The following CELSR1 variants were observed in gnomAD, a reference collection of about 807,000 sequenced individuals.
CELSR1 encodes adhesion G protein-coupled receptor C1.
CELSR1 carries 110 observed loss-of-function variants against 249.1 expected under a neutral mutation model. The ratio of observed to expected loss-of-function variants is 0.44; its 90% CI spans 0.38 to 0.52. The LOEUF is 0.52. Ranked by LOEUF, CELSR1 falls within the 20% of genes least tolerant of loss-of-function variation. The pLI is 0.00. For missense variants in CELSR1, 4,109 were observed against 4,296.4 expected (o/e 0.96, Z 1.22); for synonymous variants, 2,113 against 1,900.0 (o/e 1.11, Z -2.92).
chr22:46,489,384 T>A (rs1039310636), intron 1 of CELSR1, among the ~76,000 whole-genome samples: 2 of 151,092 alleles, frequency 1.3e-5, no homozygotes, highest in Admixed American at 1.3e-4. Flanking sequence ...GAAATTGCAA[T>A]CCGTCACCAC....
At chr22:46,511,464 T>A (rs1368405122) in intron 1 of CELSR1, among the ~76,000 whole-genome samples, 1 of 152,210 alleles carries the variant, frequency 6.6e-6, no homozygotes, top group Non-Finnish European at 1.5e-5. Flanking sequence ...TGGAGCAGAC[T>A]TTCCTTCTGC....
intron 1 of CELSR1, among the ~76,000 whole-genome samples, chr22:46,522,942 C>T (rs2080700694): frequency 2.0e-5 from 3 of 152,236 alleles, no homozygotes; most frequent in African/African-American, 7.2e-5. Flanking sequence ...CCCAGCATCA[C>T]AACACATCAA....
chr22:46,485,770 C>T (rs867643574), intron 1 of CELSR1, among the ~76,000 whole-genome samples: 6 of 152,272 alleles, frequency 3.9e-5, no homozygotes, highest in African/African-American at 1.2e-4. Flanking sequence ...AATGGGCGCA[C>T]TGGAGCCATC....
intron 5 of CELSR1, among the ~76,000 whole-genome samples, chr22:46,422,320 C>A (rs1027040488): frequency 2.0e-5 from 3 of 152,108 alleles, no homozygotes; most frequent in Non-Finnish European, 4.4e-5. Context: ...GTTGGCCAGG[C>A]TGGTTTTGAA....
chr22:46,385,508 G>C (rs577700846), intron 19 of CELSR1, among the ~76,000 whole-genome samples: 1 of 152,046 alleles, frequency 6.6e-6, no homozygotes, highest in Non-Finnish European at 1.5e-5. Context: ...CACCCTTCTA[G>C]AGTCTCACAC....
At position 46,409,710 on chromosome 22, in the gene CELSR1, C is replaced by T; in HGVS notation, c.5059+45G>A. The T allele has an allele frequency of 6.2e-7, 1 of 1,606,708 alleles. No homozygotes were observed. Among genetic ancestry groups the T allele is most frequent in the East Asian group, 2.2e-5 (1 of 44,856 alleles). ...CCGGGCACATCAAGGAGCAATGCCT[C>T]CCAGGCCGCCGTGACCGGGGGGATG... is the stretch of plus-strand genomic sequence containing the variant. On this transcript the variant is annotated intron_variant, in intron 8 of 34. Coordinates refer to ENST00000674500, the MANE Select transcript of CELSR1 (RefSeq NM_001378328.1). This position sits in a 1 kb window ranked among gnomAD's most constrained non-coding sequence, Gnocchi z 9.8.
rs58948429 is a variant in CELSR1 at position 46,363,059 on chromosome 22, G to A, written c.*164C>T. 1,627 of 1,443,442 alleles carry A rather than the reference G, an allele frequency of 1.1e-3. 16 individuals are homozygous for A. The African/African-American group carries it at 0.018, about 16-fold the overall frequency. The allele number at this position is 1,443,442 out of a possible 1,614,324, so 89.4% of individuals were successfully genotyped here. On this transcript the variant is annotated 3_prime_UTR_variant, in exon 35 of 35. Transcript: ENST00000674500. This position sits in a 1 kb window ranked among gnomAD's most constrained non-coding sequence, Gnocchi z 4.3. Reference sequence around the variant, plus strand: ...ACCTTTGTGTCTGGATGATCAGTCGGGGGGCTGCCACCATGGGGACCGCCA... The same window carrying A: ...ACCTTTGTGTCTGGATGATCAGTCGAGGGGCTGCCACCATGGGGACCGCCA...
Position 46,367,912 on chromosome 22 carries a change from C to G in CELSR1, c.7953-57G>C, listed in dbSNP as rs548771318. On this transcript the variant is annotated intron_variant, in intron 27 of 34. Coordinates refer to ENST00000674500, the MANE Select transcript of CELSR1 (RefSeq NM_001378328.1). ...TCGCCACCACCTGCTCCCTTCCTCC[C>G]TCCCTCTCTGCACGTCCACCTGTCC... 708 of 1,549,178 alleles carry G rather than the reference C, an allele frequency of 4.6e-4. 2 individuals are homozygous for G. In the African/African-American group the frequency reaches 8.4e-3, roughly 18 times the overall value.
chr22:46,465,901 C>T (rs944559412), intron 1 of CELSR1, among the ~76,000 whole-genome samples: 3 of 152,264 alleles, frequency 2.0e-5, no homozygotes, highest in Non-Finnish European at 4.4e-5. Context: ...CCAGTAACGA[C>T]ACTCGGGTCA....
chr22:46,396,861 G>C lies in CELSR1; in HGVS notation c.5702-115C>G. Reference sequence around the variant, plus strand: ...ATCTGACTTTCCCTGGTACTCAGCAGAGGGAAGAGGAAGAGTGCCACAGAG... The same window carrying C: ...ATCTGACTTTCCCTGGTACTCAGCACAGGGAAGAGGAAGAGTGCCACAGAG... On this transcript the variant is annotated intron_variant, in intron 12 of 34. Coordinates refer to ENST00000674500, the MANE Select transcript of CELSR1 (RefSeq NM_001378328.1). The surrounding 1 kb of genome is among the most constrained non-coding windows in gnomAD (Gnocchi z 6.4). 1 of 1,373,578 alleles carries C rather than the reference G, an allele frequency of 7.3e-7. No individual in the cohort carries two copies. The highest frequency in any genetic ancestry group is 1.0e-6 in the Non-Finnish European group (1 of 1,001,254). The allele number at this position is 1,373,578 out of a possible 1,614,324, so 85.1% of individuals were successfully genotyped here.
chr22:46,500,598 C>T lies in CELSR1; in HGVS notation c.3544+33029G>A, dbSNP rs564087546. On this transcript the variant is annotated intron_variant, in intron 1 of 34. Coordinates refer to ENST00000674500, the MANE Select transcript of CELSR1 (RefSeq NM_001378328.1). This position sits in a 1 kb window ranked among gnomAD's most constrained non-coding sequence, Gnocchi z 4.9. Reference sequence around the variant, plus strand: ...AACTTGTCACAGAAGAACAGAGGCCCGAGCTAGCCCACACCTGTGTTTTTT... The same window carrying T: ...AACTTGTCACAGAAGAACAGAGGCCTGAGCTAGCCCACACCTGTGTTTTTT... Among the ~76,000 whole-genome samples, 29 of 152,262 alleles carry T rather than the reference C, an allele frequency of 1.9e-4. No homozygotes were observed. The highest frequency in any genetic ancestry group is 4.1e-4 in the Non-Finnish European group (28 of 68,022).
chr22:46,433,908 C>T lies in CELSR1; in HGVS notation c.4523-427G>A, dbSNP rs2079626891. On this transcript the variant is annotated intron_variant, in intron 4 of 34. Transcript: ENST00000674500. The surrounding 1 kb of genome is among the most constrained non-coding windows in gnomAD (Gnocchi z 5.7). ...CCATGTTGGCTAGTCTAGTCTCGAA[C>T]TCCTGACCTCGTGATCTGCCTGCCT... 6.6e-6 allele frequency among the ~76,000 whole-genome samples: 1 copy of T among 152,182 alleles called. No individual in the cohort carries two copies. Among genetic ancestry groups the T allele is most frequent in the African/African-American group, 2.4e-5 (1 of 41,446 alleles).
At position 46,380,404 on chromosome 22, in the gene CELSR1, G is replaced by T. The variant is rs188040706; in HGVS notation, c.7256+384C>A. Among the ~76,000 whole-genome samples the T allele has an allele frequency of 1.3e-5, 2 of 152,356 alleles. No individual in the cohort carries two copies. Among genetic ancestry groups the T allele is most frequent in the Non-Finnish European group, 2.9e-5 (2 of 68,034 alleles). ...GCTCTTAGGCCAGTCTCTGGGTTCT[G>T]TCTCCCGTGTGTGACCGGAATGGGC... On this transcript the variant is annotated intron_variant, in intron 22 of 34. Coordinates refer to ENST00000674500, the MANE Select transcript of CELSR1 (RefSeq NM_001378328.1). This position sits in a 1 kb window ranked among gnomAD's most constrained non-coding sequence, Gnocchi z 5.1.
At chr22:46,394,859 C>G (rs539612903) in intron 13 of CELSR1, among the ~76,000 whole-genome samples, 1 of 152,358 alleles carries the variant, frequency 6.6e-6, no homozygotes, top group Admixed American at 6.5e-5. Context: ...GCAACAGACA[C>G]TGAAGATGAG....
Position 46,430,520 on chromosome 22 carries a change from C to A in CELSR1, c.4611+2873G>T, listed in dbSNP as rs1425728302. Among the ~76,000 whole-genome samples, 2 of 152,118 alleles carry A rather than the reference C, an allele frequency of 1.3e-5. No individual in the cohort carries two copies. Among genetic ancestry groups the A allele is most frequent in the African/African-American group, 2.4e-5 (1 of 41,404 alleles). On this transcript the variant is annotated intron_variant, in intron 5 of 34. Coordinates refer to ENST00000674500, the MANE Select transcript of CELSR1 (RefSeq NM_001378328.1). The surrounding 1 kb of genome is among the most constrained non-coding windows in gnomAD (Gnocchi z 4.6). Reference sequence around the variant, plus strand: ...CTGAGCCCCTCTCAACTGGTCATGGCCCTGGACACCCCTCATCGTCCAGCC... The same window carrying A: ...CTGAGCCCCTCTCAACTGGTCATGGACCTGGACACCCCTCATCGTCCAGCC...
At chr22:46,492,751 G>A (rs1317810330) in intron 1 of CELSR1, among the ~76,000 whole-genome samples, 1 of 151,996 alleles carries the variant, frequency 6.6e-6, no homozygotes, top group African/African-American at 2.4e-5. Context: ...GATCCACCGT[G>A]CTCGGCCGAA....
chr22:46,520,730 A>G (rs2080677194), intron 1 of CELSR1, among the ~76,000 whole-genome samples: 1 of 152,144 alleles, frequency 6.6e-6, no homozygotes, highest in Admixed American at 6.6e-5. Context: ...CCAAAGTGCT[A>G]GGATTACAGG....
chr22:46,384,666 C>T lies in CELSR1; in HGVS notation c.6760G>A (p.Asp2254Asn). The change falls in exon 20 of 35, where the codon GAC (aspartate) becomes AAC (asparagine). Residue 2254 changes from aspartate (D) to asparagine (N), a missense_variant. Transcript: ENST00000674500. ...ANMILAVDIF[D>N]KFNFTGARVP... ...CTGGCTCCCGTAAAGTTGAACTTGT[C>T]AAAGATGTCGACAGCAAGAACTGGG... The T allele has an allele frequency of 1.2e-6, 2 of 1,612,958 alleles. No homozygotes were observed. The highest frequency in any genetic ancestry group is 1.7e-6 in the Non-Finnish European group (2 of 1,179,528).
At chr22:46,513,586 ACT>A (rs1202432709) in intron 1 of CELSR1, among the ~76,000 whole-genome samples, 1 of 152,118 alleles carries the variant, frequency 6.6e-6, no homozygotes, top group African/African-American at 2.4e-5. Flanking sequence ...CTGCCTGTAC[ACT>A]GTTATAATTG....
Sources: allele counts gnomAD v4.1 joint callset (sites outside exome capture counted in the v4.1 genomes callset), GRCh38; gene constraint gnomAD v4.1.1; non-coding constraint Gnocchi (gnomAD v3.1); transcripts MANE v1.5; gene names NCBI Gene and HGNC (gene_info 2026-07-23, HGNC 2026-07-21).